The following ERBB4 variants were observed in gnomAD, a reference collection of about 807,000 sequenced individuals.
ERBB4 encodes receptor tyrosine-protein kinase erbB-4.
In ERBB4, 42 loss-of-function variants were observed where a neutral mutation model predicts 158.0. That is an observed-to-expected ratio of 0.27 (90% CI 0.21 to 0.34). The LOEUF (loss-of-function observed/expected upper bound fraction) is 0.34, where lower values mean the gene tolerates loss of function less well. ERBB4 is among the 10% of genes least tolerant of loss of function. The pLI is 1.00. For synonymous variants in ERBB4, 583 were observed against 558.7 expected (o/e 1.04, Z -0.61); for missense variants, 1,333 against 1,624.1 (o/e 0.82, Z 3.08).
chr2:211,435,756 C>A (rs1474835894), intron 20 of ERBB4, among the ~76,000 whole-genome samples: 1 of 152,196 alleles, frequency 6.6e-6, no homozygotes, highest in East Asian at 1.9e-4. Context: ...ATCTCCCCTG[C>A]CGGGCCCCCA....
At chr2:212,091,200 T>TAAA (rs35873863) in intron 2 of ERBB4, among the ~76,000 whole-genome samples, 9 of 147,326 alleles carry the variant, frequency 6.1e-5, no homozygotes, top group African/African-American at 2.2e-4. Context: ...AGGAGACAGG[T>TAAA]AAAAAAAAAA....
At chr2:211,999,125 C>T (rs2076043975) in intron 2 of ERBB4, among the ~76,000 whole-genome samples, 1 of 151,582 alleles carries the variant, frequency 6.6e-6, no homozygotes, top group South Asian at 2.1e-4. Flanking sequence ...ATAGTTTACA[C>T]TTTTCTGACC....
chr2:211,556,753 A>G (rs1350437767), intron 20 of ERBB4, among the ~76,000 whole-genome samples: 1 of 152,218 alleles, frequency 6.6e-6, no homozygotes, highest in East Asian at 1.9e-4. Context: ...AGAACTAAAG[A>G]AAACTATTTT....
chr2:212,373,758 T>C (rs1361940096), intron 1 of ERBB4, among the ~76,000 whole-genome samples: 1 of 141,644 alleles, frequency 7.1e-6, no homozygotes, highest in Non-Finnish European at 1.5e-5. Context: ...TCCATGTATA[T>C]ATCCACGTAT....
intron 1 of ERBB4, among the ~76,000 whole-genome samples, chr2:212,186,570 A>G (rs900908713): frequency 6.6e-6 from 1 of 152,060 alleles, no homozygotes; most frequent in African/African-American, 2.4e-5. Flanking sequence ...ATTTTACTCA[A>G]CCTACCCACC....
intron 1 of ERBB4, among the ~76,000 whole-genome samples, chr2:212,528,265 A>G (rs1041960759): frequency 4.6e-5 from 7 of 152,070 alleles, no homozygotes; most frequent in African/African-American, 1.7e-4. Flanking sequence ...CATGCCTTTG[A>G]GAAGCATAAC....
chr2:211,890,279 C>A (rs1235811105), intron 3 of ERBB4, among the ~76,000 whole-genome samples: 1 of 115,740 alleles, frequency 8.6e-6, no homozygotes, highest in Admixed American at 9.1e-5. Context: ...GAATTTTCAA[C>A]CCAGAATTTC....
chr2:212,388,195 A>G (rs764684166), intron 1 of ERBB4, among the ~76,000 whole-genome samples: 1 of 152,140 alleles, frequency 6.6e-6, no homozygotes, highest in Non-Finnish European at 1.5e-5. Context: ...CAGAGAATTT[A>G]TTAAAATAGG....
intron 1 of ERBB4, among the ~76,000 whole-genome samples, chr2:212,488,816 CTT>C (rs201497134): frequency 0.011 from 1,726 of 151,404 alleles, 15 homozygotes; most frequent in Middle Eastern, 0.037. Flanking sequence ...TCTCTAAACT[CTT>C]GAGTTCATTG....
At chr2:212,452,283 C>T (rs1471752489) in intron 1 of ERBB4, among the ~76,000 whole-genome samples, 1 of 152,110 alleles carries the variant, frequency 6.6e-6, no homozygotes, top group Admixed American at 6.5e-5. Flanking sequence ...AAAGATTAAA[C>T]TATAATTCTT....
intron 19 of ERBB4, among the ~76,000 whole-genome samples, chr2:211,610,922 T>C (rs971102599): frequency 6.6e-6 from 1 of 152,112 alleles, no homozygotes; most frequent in African/African-American, 2.4e-5. Context: ...GCAACCTGTA[T>C]TGGATCTGGA....
At chr2:212,297,931 TC>T (rs1325036058) in intron 1 of ERBB4, among the ~76,000 whole-genome samples, 38 of 151,698 alleles carry the variant, frequency 2.5e-4, no homozygotes, top group Admixed American at 1.4e-3. Context: ...TAAAGTAAGT[TC>T]AATATAGTCA....
chr2:212,114,591 T>C (rs1352811978), intron 2 of ERBB4, among the ~76,000 whole-genome samples: 1 of 152,226 alleles, frequency 6.6e-6, no homozygotes, highest in Non-Finnish European at 1.5e-5. Context: ...GCTTGTACTT[T>C]CTCTGTGTTT....
At chr2:212,424,663 A>G (rs2091867124) in intron 1 of ERBB4, among the ~76,000 whole-genome samples, 1 of 152,108 alleles carries the variant, frequency 6.6e-6, no homozygotes, top group Non-Finnish European at 1.5e-5. Context: ...TAGCTCACCT[A>G]TAGTAATCAG....
chr2:212,174,632 T>A (rs1413163874), intron 1 of ERBB4, among the ~76,000 whole-genome samples: 1 of 152,074 alleles, frequency 6.6e-6, no homozygotes, highest in Non-Finnish European at 1.5e-5. Context: ...ATATTTCTGC[T>A]TGAAGCAGTT....
intron 25 of ERBB4, among the ~76,000 whole-genome samples, chr2:211,413,870 G>A (rs887911100): frequency 2.6e-5 from 4 of 151,832 alleles, no homozygotes; most frequent in Non-Finnish European, 4.4e-5. Flanking sequence ...GGTCCTGCAA[G>A]CAGCTTTCCA....
At chr2:212,047,935 A>G (rs2077300342) in intron 2 of ERBB4, among the ~76,000 whole-genome samples, 2 of 152,220 alleles carry the variant, frequency 1.3e-5, no homozygotes, top group African/African-American at 4.8e-5. Flanking sequence ...TAGGTTCTAT[A>G]CAAGGAATTA....
intron 2 of ERBB4, among the ~76,000 whole-genome samples, chr2:211,977,419 T>C (rs1037415551): frequency 6.6e-6 from 1 of 151,864 alleles, no homozygotes; most frequent in Admixed American, 6.6e-5. Context: ...CTATTATTTT[T>C]TGTTTGTTTG....
intron 1 of ERBB4, among the ~76,000 whole-genome samples, chr2:212,529,887 C>T (rs1471584716): frequency 1.3e-5 from 2 of 151,990 alleles, no homozygotes; most frequent in Non-Finnish European, 2.9e-5. Context: ...GCCACAAATT[C>T]CAGGAAAAGG....
Sources: allele counts gnomAD v4.1 joint callset (sites outside exome capture counted in the v4.1 genomes callset), GRCh38; gene constraint gnomAD v4.1.1; transcripts MANE v1.5; gene names NCBI Gene and HGNC (gene_info 2026-07-23, HGNC 2026-07-21).